PCDH12: variants seen among roughly 807,000 people sequenced by gnomAD.
The protein encoded by PCDH12 is protocadherin-12.
In PCDH12, 45 loss-of-function variants were observed where a neutral mutation model predicts 70.9. The ratio of observed to expected loss-of-function variants is 0.63; its 90% CI spans 0.50 to 0.81. The LOEUF is 0.81. Among genes scored for constraint, PCDH12 ranks in the 40% least tolerant of loss-of-function variants. The pLI is 0.00. For missense variants in PCDH12, 1,370 were observed against 1,491.7 expected, an observed-to-expected ratio of 0.92 and a Z score of 1.34; for synonymous variants, 567 against 626.0, an observed-to-expected ratio of 0.91 and a Z score of 1.41.
rs1753202951 is a variant in PCDH12 at position 141,957,385 on chromosome 5, A to AG, written c.466dup (p.Leu156ProfsTer6). On this transcript the variant is annotated frameshift_variant, in exon 1 of 4. Transcript: ENST00000231484. LOFTEE classifies it high-confidence loss of function. The surrounding 1 kb of genome is among the most constrained non-coding windows in gnomAD (Gnocchi z 4.3). The stretch of plus-strand genomic sequence containing the variant: ...TGTGTCTGGGTCAAGAGCTCTGTCC[A>AG]GGGGGATCCGGGTTCGCAGAGAGGC... The AG allele has an allele frequency of 1.2e-6, 2 of 1,613,848 alleles. No individual in the cohort carries two copies. Among genetic ancestry groups the AG allele is most frequent in the Non-Finnish European group, 1.7e-6 (2 of 1,179,880 alleles).
rs777705057 is a variant in PCDH12 at position 141,957,221 on chromosome 5, C to T, written c.631G>A (p.Asp211Asn). Residue 211 changes from aspartate (D) to asparagine (N), a missense_variant, in exon 1 of 4, where the codon GAT (aspartate) becomes AAT (asparagine). Asp to Asn is a conservative substitution (Grantham distance 23). Coordinates refer to ENST00000231484, the MANE Select transcript of PCDH12 (RefSeq NM_016580.4). The surrounding 1 kb of genome is among the most constrained non-coding windows in gnomAD (Gnocchi z 4.3). ...TTGTCATAGGCAGTTAACACCAGATCAAAAAATGAATGGATTTCCCTGTCC... is the reference window on the plus strand; with the variant it reads ...TTGTCATAGGCAGTTAACACCAGATTAAAAAATGAATGGATTTCCCTGTCC... ...ELDREIHSFF[D>N]LVLTAYDNGN... 2 of 1,614,002 alleles carry T rather than the reference C, an allele frequency of 1.2e-6. No homozygotes were observed. Among genetic ancestry groups the T allele is most frequent in the Admixed American group, 3.3e-5 (2 of 59,990 alleles).
intron 3 of PCDH12, among the ~76,000 whole-genome samples, chr5:141,946,980 C>T (rs913694776): frequency 5.3e-5 from 8 of 151,534 alleles, no homozygotes; most frequent in South Asian, 2.1e-4. Context: ...TTAAAATCTG[C>T]GCACAGAATG....
Position 141,957,868 on chromosome 5 carries a change from G to T in PCDH12, c.-17C>A, listed in dbSNP as rs1753214377. On this transcript the variant is annotated 5_prime_UTR_variant, in exon 1 of 4. Coordinates refer to ENST00000231484, the MANE Select transcript of PCDH12 (RefSeq NM_016580.4). The surrounding 1 kb of genome is among the most constrained non-coding windows in gnomAD (Gnocchi z 4.3). ...TTGCATCATGCTTACCGCCAAGTGG[G>T]CTAGATTCAGAAACCACTAGAGTTC... is the stretch of plus-strand genomic sequence containing the variant. The T allele has an allele frequency of 1.3e-6, 2 of 1,588,358 alleles. No individual in the cohort carries two copies. Among genetic ancestry groups the T allele is most frequent in the Non-Finnish European group, 1.7e-6 (2 of 1,173,486 alleles).
chr5:141,955,419 G>A lies in PCDH12; in HGVS notation c.2433C>T (p.Cys811=). 1 of 1,614,018 alleles carries A rather than the reference G, an allele frequency of 6.2e-7. No individual in the cohort carries two copies. Residue 811 remains cysteine (C), a synonymous_variant, in exon 1 of 4, where the codon TGC becomes TGT. Transcript: ENST00000231484. The surrounding 1 kb of genome is among the most constrained non-coding windows in gnomAD (Gnocchi z 5.5). ...GGGTGAGGTGGAAGGGGGCCTGCAG[G>A]CAGGGGTCCCAGCCTGCTTCCATCA... ...EAMMEAGWDP[C]LQAPFHLTPT... is the part of the protein sequence containing the mutation.
intron 2 of PCDH12, among the ~76,000 whole-genome samples, chr5:141,950,053 G>A (rs1753047161): frequency 1.3e-5 from 2 of 152,152 alleles, no homozygotes; most frequent in East Asian, 1.9e-4. Flanking sequence ...CCTTACTGAT[G>A]CTCAGAACAG....
Position 141,955,042 on chromosome 5 carries a change from C to G in PCDH12, c.2810G>C (p.Arg937Pro). The G allele has an allele frequency of 6.2e-7, 1 of 1,614,222 alleles. No homozygotes were observed. Among genetic ancestry groups the G allele is most frequent in the Non-Finnish European group, 8.5e-7 (1 of 1,180,044 alleles). ...GPRQILRSLV[R>P]LSVAAFAERN... The stretch of plus-strand genomic sequence containing the variant: ...CTCGGCGAAGGCAGCCACAGACAGC[C>G]GGACCAGGCTCCGCAGGATCTGACG... Residue 937 changes from arginine to proline, a missense_variant, in exon 1 of 4, where the codon CGG (arginine) becomes CCG (proline). Transcript: ENST00000231484. The surrounding 1 kb of genome is among the most constrained non-coding windows in gnomAD (Gnocchi z 5.5).
rs1411846428 is a variant in PCDH12, at chr5:141,957,269, C to T, written c.583G>A (p.Glu195Lys). ...IVGPDETKHAELIVVKELDRE... is the reference protein window; with the variant it reads ...IVGPDETKHAKLIVVKELDRE... ...TCCAGCTCCTTCACCACTATGAGTTCTGCATGTTTGGTCTCATCAGGGCCC... is the reference window on the plus strand; with the variant it reads ...TCCAGCTCCTTCACCACTATGAGTTTTGCATGTTTGGTCTCATCAGGGCCC... Residue 195 changes from glutamate to lysine, a missense_variant, in exon 1 of 4, where the codon GAA becomes AAA. Transcript: ENST00000231484. This position sits in a 1 kb window ranked among gnomAD's most constrained non-coding sequence, Gnocchi z 4.3. 2 of 1,613,950 alleles carry T rather than the reference C, an allele frequency of 1.2e-6. No homozygotes were observed. The highest frequency in any genetic ancestry group is 2.2e-5 in the East Asian group (1 of 44,878).
chr5:141,949,314 G>A, intron 3 of PCDH12, 118 bp downstream of exon 3: 1 of 1,489,806 alleles, frequency 6.7e-7, no homozygotes. Flanking sequence ...GTTAAATGTT[G>A]CTGATGTTCC....
Position 141,957,480 on chromosome 5 carries a change from T to G in PCDH12, c.372A>C (p.Gln124His). 3.1e-6 allele frequency: 5 copies of G among 1,613,422 alleles called. No homozygotes were observed. The highest frequency in any genetic ancestry group is 4.2e-6 in the Non-Finnish European group (5 of 1,179,658). ...GCTGGTGGTCATTGATGTCCAGCAC[T>G]TGGATCTCCACATGGATCAGAGCCA... The part of the protein sequence containing the change: ...GDLALIHVEI[Q>H]VLDINDHQPR... Residue 124 changes from glutamine (Q) to histidine (H), a missense_variant, in exon 1 of 4, where the codon CAA (glutamine) becomes CAC (histidine). By Grantham distance (24) the Gln-to-His change is conservative. Coordinates refer to ENST00000231484, the MANE Select transcript of PCDH12 (RefSeq NM_016580.4). The surrounding 1 kb of genome is among the most constrained non-coding windows in gnomAD (Gnocchi z 4.3).
intron 3 of PCDH12, among the ~76,000 whole-genome samples, chr5:141,946,072 A>T (rs164083): frequency 0.54 from 82,241 of 151,936 alleles, 23,479 homozygotes; most frequent in East Asian, 0.81. Flanking sequence ...AAATTTGCCG[A>T]TTTCTGAAGA....
At position 141,945,701 on chromosome 5, in the gene PCDH12, C is replaced by T. The variant is rs1298630910; in HGVS notation, c.3235G>A (p.Ala1079Thr). ...YRDNVISPDA[A>T]ATEEPRTFQT... ...AAGGTCCTTGGCTCCTCCGTGGCTG[C>T]AGCATCCGGGGAGATCACATTGTCA... The change falls in exon 4 of 4, where the codon GCA becomes ACA. Residue 1079 changes from alanine (A) to threonine (T), a missense_variant. Ala to Thr is a moderately conservative substitution (Grantham distance 58). Transcript: ENST00000231484. 5.6e-6 allele frequency: 9 copies of T among 1,614,060 alleles called. No homozygotes were observed. Among genetic ancestry groups the T allele is most frequent in the Non-Finnish European group, 7.6e-6 (9 of 1,180,028 alleles).
At chr5:141,949,738 C>T (rs1753038229) in intron 2 of PCDH12, among the ~76,000 whole-genome samples, 155 bp from the exon 3 acceptor site, 1 of 152,176 alleles carries the variant, frequency 6.6e-6, no homozygotes, top group African/African-American at 2.4e-5. Context: ...GTGATTCCCG[C>T]CCTCCTCTTA....
chr5:141,949,191 T>C lies in PCDH12; in HGVS notation c.3130+241A>G, dbSNP rs192488169. On this transcript the variant is annotated intron_variant, in intron 3 of 3. Transcript: ENST00000231484. ...GTGAGCTGTGATCATGCTGTGATCA[T>C]GCCACTGTACTCCAGCCTGGGTGAC... 7.4e-3 allele frequency: 2,547 copies of C among 344,342 alleles called. 17 individuals are homozygous for C. Among genetic ancestry groups the C allele is most frequent in the Non-Finnish European group, 9.0e-3 (2,207 of 244,056 alleles). 21.3% of individuals were successfully genotyped at this position (344,342 alleles called of 1,614,324 possible). A position where few individuals can be genotyped will look rare whatever the true frequency, so the allele number is the denominator to read the frequency against.
At position 141,945,390 on chromosome 5, in the gene PCDH12, C is replaced by CCTGCTGCTGCTGCTGCTGCTG. The variant is rs5871792; in HGVS notation, c.3545_3546insCAGCAGCAGCAGCAGCAGCAG (p.Ser1181_Arg1182insSerSerSerSerSerSerSer). On this transcript the variant is annotated inframe_insertion, in exon 4 of 4. Coordinates refer to ENST00000231484, the MANE Select transcript of PCDH12 (RefSeq NM_016580.4). ...GGCGTCTGAGGTATGTTCACAGGCA[C>CCTGCTGCTGCTGCTGCTGCTG]CTGCTGCTGCTGCTGCTGCCTCTGC... The CCTGCTGCTGCTGCTGCTGCTG allele has an allele frequency of 1.4e-5, 21 of 1,551,174 alleles. 1 individual carries two copies. The Admixed American group carries it at 2.1e-4, about 15-fold the overall frequency.
In PCDH12 at chr5:141,949,600, C is replaced by G; in HGVS notation, c.2979-17G>C. ...ATTGCACTCCTGCAAAAGAAACCAA[C>G]CAGTCCATGGGTAGGGACATTCCCA... is the stretch of plus-strand genomic sequence containing the variant. On this transcript the variant is annotated splice_polypyrimidine_tract_variant and intron_variant, in intron 2 of 3. Coordinates refer to ENST00000231484, the MANE Select transcript of PCDH12 (RefSeq NM_016580.4). 4 of 1,611,922 alleles carry G rather than the reference C, an allele frequency of 2.5e-6. No individual in the cohort carries two copies. The highest frequency in any genetic ancestry group is 1.7e-5 in the Admixed American group (1 of 59,582).
At chr5:141,951,409 C>A in intron 2 of PCDH12, 84 bp downstream of exon 2, 2 of 1,018,190 alleles carry the variant, frequency 2.0e-6, no homozygotes, top group South Asian at 1.3e-5. Context: ...CTTGTGCTCA[C>A]CCTTCCTCAC....
chr5:141,955,366 T>G lies in PCDH12; in HGVS notation c.2486A>C (p.Gln829Pro). ...TPTLYRTLRN[Q>P]GNQGAPAESR... Reference sequence around the variant, plus strand: ...CTCCGCCGGTGCTCCCTGGTTGCCTTGATTACGCAGCGTCCTGTACAGGGT... The same window carrying G: ...CTCCGCCGGTGCTCCCTGGTTGCCTGGATTACGCAGCGTCCTGTACAGGGT... The change falls in exon 1 of 4, where the codon CAA (glutamine) becomes CCA (proline). Residue 829 changes from glutamine to proline, a missense_variant. Transcript: ENST00000231484. This position sits in a 1 kb window ranked among gnomAD's most constrained non-coding sequence, Gnocchi z 5.5. The G allele has an allele frequency of 1.2e-6, 2 of 1,614,070 alleles. No individual in the cohort carries two copies. The highest frequency in any genetic ancestry group is 1.7e-6 in the Non-Finnish European group (2 of 1,180,012).
At position 141,958,019 on chromosome 5, in the gene PCDH12, A is replaced by G. The variant is rs945289194; in HGVS notation, c.-168T>C. 4.1e-6 allele frequency: 3 copies of G among 730,380 alleles called. No homozygotes were observed. Among genetic ancestry groups the G allele is most frequent in the African/African-American group, 1.8e-5 (1 of 56,362 alleles). The allele number at this position is 730,380 out of a possible 1,614,324, so 45.2% of individuals were successfully genotyped here. On this transcript the variant is annotated 5_prime_UTR_variant, in exon 1 of 4. Coordinates refer to ENST00000231484, the MANE Select transcript of PCDH12 (RefSeq NM_016580.4). ...TGATTATGAAACAAGCAGGACCCCAAGGCAAGGCCATCTTCATTGGAAGCG... is the reference window on the plus strand; with the variant it reads ...TGATTATGAAACAAGCAGGACCCCAGGGCAAGGCCATCTTCATTGGAAGCG...
rs144339326 is a variant in PCDH12 at position 141,956,847 on chromosome 5, A to G, written c.1005T>C (p.His335=). The G allele has an allele frequency of 1.0e-3, 1,666 of 1,614,210 alleles. 23 individuals are homozygous for G. The African/African-American group carries it at 0.02, about 20-fold the overall frequency. The change falls in exon 1 of 4, where the codon CAT becomes CAC. Residue 335 remains histidine, a synonymous_variant. Coordinates refer to ENST00000231484, the MANE Select transcript of PCDH12 (RefSeq NM_016580.4). ...RDLGPNPIPA[H]CKVLIKVLDV... ...CCAGAACCTTGATGAGAACTTTGCA[A>G]TGGGCTGGGATAGGATTGGGACCCA...
Sources: gnomAD v4.1 joint callset for allele counts (sites outside exome capture counted in the v4.1 genomes callset) on GRCh38, gnomAD v4.1.1 for gene constraint, Gnocchi (gnomAD v3.1) non-coding constraint, MANE v1.5 for transcripts, NCBI Gene and HGNC (gene_info 2026-07-23, HGNC 2026-07-21) for gene names.